Variants in OPCML observed in about 807,000 individuals in gnomAD.
The protein encoded by OPCML is opioid-binding protein/cell adhesion molecule.
In OPCML, 13 loss-of-function variants were observed where a neutral mutation model predicts 37.8. The observed-to-expected ratio is 0.34, with a 90% CI of 0.22 to 0.55. OPCML has a LOEUF of 0.55. Among genes scored for constraint, OPCML ranks in the 20% least tolerant of loss-of-function variants. The pLI, the probability that OPCML is intolerant of heterozygous loss-of-function variation, is 0.91. For synonymous variants in OPCML, 176 were observed against 168.8 expected (o/e 1.04, Z -0.33); for missense variants, 341 against 435.6 (o/e 0.78, Z 1.93).
intron 3 of OPCML, among the ~76,000 whole-genome samples, chr11:132,610,596 G>A (rs1457646886): frequency 1.3e-5 from 2 of 152,132 alleles, no homozygotes; most frequent in African/African-American, 4.8e-5. Context: ...GAAGACTGGC[G>A]CTCGGAACTA....
intron 4 of OPCML, among the ~76,000 whole-genome samples, chr11:132,471,047 G>A (rs1202831885): frequency 2.0e-5 from 3 of 152,196 alleles, no homozygotes; most frequent in South Asian, 2.1e-4. Context: ...GTCAAGAAAA[G>A]TGGTTCGAAA....
chr11:132,627,975 T>G (rs1939849625), intron 3 of OPCML, among the ~76,000 whole-genome samples: 1 of 152,106 alleles, frequency 6.6e-6, no homozygotes, highest in Non-Finnish European at 1.5e-5. Flanking sequence ...AAAAAGGGAA[T>G]GTAGAGAAAG....
chr11:133,501,146 A>G (rs1345034981), intron 1 of OPCML, among the ~76,000 whole-genome samples: 7 of 152,148 alleles, frequency 4.6e-5, no homozygotes, highest in Non-Finnish European at 1.5e-5. Context: ...CTTGCCCGTA[A>G]TAAGGGATCA....
At chr11:133,180,840 A>G (rs1378589945) in intron 1 of OPCML, among the ~76,000 whole-genome samples, 1 of 147,698 alleles carries the variant, frequency 6.8e-6, no homozygotes. Context: ...CAGCAAAGCA[A>G]AAAAAAAAAA....
intron 1 of OPCML, among the ~76,000 whole-genome samples, chr11:133,260,647 C>T (rs1255695691): frequency 6.6e-6 from 1 of 152,092 alleles, no homozygotes; most frequent in African/African-American, 2.4e-5. Flanking sequence ...TTTGAAACCT[C>T]AAGGCCCAGG....
intron 4 of OPCML, among the ~76,000 whole-genome samples, chr11:132,509,820 G>A (rs924108628): frequency 2.6e-5 from 4 of 152,264 alleles, no homozygotes; most frequent in Non-Finnish European, 4.4e-5. Context: ...CTAGGGCAGT[G>A]CAGAAGGGAT....
chr11:132,696,359 T>G (rs1024961773), intron 2 of OPCML, among the ~76,000 whole-genome samples: 1 of 152,158 alleles, frequency 6.6e-6, no homozygotes, highest in Non-Finnish European at 1.5e-5. Flanking sequence ...CAAATATATA[T>G]GACAATCACA....
intron 3 of OPCML, among the ~76,000 whole-genome samples, chr11:132,592,443 T>C (rs1292080206): frequency 6.6e-6 from 1 of 152,130 alleles, no homozygotes; most frequent in Non-Finnish European, 1.5e-5. Flanking sequence ...CCATAATAGG[T>C]TGAGAGACAG....
intron 1 of OPCML, among the ~76,000 whole-genome samples, chr11:133,435,662 G>A (rs1208787110): frequency 1.3e-5 from 2 of 152,252 alleles, no homozygotes; most frequent in South Asian, 2.1e-4. Context: ...TAAAAGGAAA[G>A]GCATTTTATG....
At chr11:132,618,579 T>C (rs11223150) in intron 3 of OPCML, among the ~76,000 whole-genome samples, 9,538 of 152,260 alleles carry the variant, frequency 0.063, 409 homozygotes, top group Non-Finnish European at 0.098. Context: ...AGAATATCAT[T>C]GTGAACTAGA....
chr11:132,667,168 G>T (rs1458754688), intron 2 of OPCML, among the ~76,000 whole-genome samples: 1 of 152,176 alleles, frequency 6.6e-6, no homozygotes, highest in Non-Finnish European at 1.5e-5. Flanking sequence ...GTTCTTCAAA[G>T]GGTTTTTGTT....
chr11:132,450,406 G>C (rs1338752765), intron 4 of OPCML, among the ~76,000 whole-genome samples: 2 of 152,136 alleles, frequency 1.3e-5, no homozygotes, highest in Non-Finnish European at 2.9e-5. Context: ...TTTGGAAGAG[G>C]CTGCTGCACA....
chr11:132,548,075 G>A (rs2096372879), intron 3 of OPCML, among the ~76,000 whole-genome samples: 1 of 152,182 alleles, frequency 6.6e-6, no homozygotes, highest in Non-Finnish European at 1.5e-5. Context: ...TTCAAAGCAA[G>A]AGAGTTTAAA....
chr11:132,593,698 GA>G (rs2096488225), intron 3 of OPCML, among the ~76,000 whole-genome samples: 1 of 152,150 alleles, frequency 6.6e-6, no homozygotes, highest in South Asian at 2.1e-4. Context: ...ACAGCCAACA[GA>G]ATCACCTGTG....
intron 1 of OPCML, among the ~76,000 whole-genome samples, chr11:133,124,605 T>C (rs148441327): frequency 6.6e-6 from 1 of 152,246 alleles, no homozygotes; most frequent in South Asian, 2.1e-4. Flanking sequence ...AGAGCCCCAC[T>C]GCAGAGCCCA....
intron 3 of OPCML, among the ~76,000 whole-genome samples, chr11:132,539,579 A>G (rs1440327958): frequency 6.6e-6 from 1 of 152,136 alleles, no homozygotes; most frequent in Non-Finnish European, 1.5e-5. Context: ...AAAGGTGGTG[A>G]TAAACATAGT....
At chr11:132,920,948 G>A (rs1228532755) in intron 2 of OPCML, among the ~76,000 whole-genome samples, 2 of 152,044 alleles carry the variant, frequency 1.3e-5, no homozygotes, top group African/African-American at 4.8e-5. Flanking sequence ...TCCTGCACTC[G>A]GCTTGATTTA....
chr11:132,499,054 T>G (rs1287686366), intron 4 of OPCML, among the ~76,000 whole-genome samples: 1 of 152,196 alleles, frequency 6.6e-6, no homozygotes, highest in Non-Finnish European at 1.5e-5. Context: ...TGCTTCCCCG[T>G]GCATGGTAGC....
intron 1 of OPCML, among the ~76,000 whole-genome samples, chr11:133,290,493 G>A (rs930516596): frequency 2.0e-5 from 3 of 152,188 alleles, no homozygotes; most frequent in African/African-American, 7.2e-5. Context: ...GATGTTGGGG[G>A]ATGGGATGTG....
Sources: gnomAD v4.1 joint callset for allele counts (sites outside exome capture counted in the v4.1 genomes callset) on GRCh38, gnomAD v4.1.1 for gene constraint, MANE v1.5 for transcripts, NCBI Gene and HGNC (gene_info 2026-07-23, HGNC 2026-07-21) for gene names.